Variants in TRIP13 observed in about 807,000 individuals in gnomAD.
The protein encoded by TRIP13 is pachytene checkpoint protein 2 homolog.
TRIP13 carries 25 observed loss-of-function variants against 54.4 expected under a neutral mutation model. The ratio of observed to expected loss-of-function variants is 0.46; its 90% CI spans 0.33 to 0.64. The LOEUF (loss-of-function observed/expected upper bound fraction) is 0.64, where lower values mean the gene tolerates loss of function less well. Among genes scored for constraint, TRIP13 ranks in the 30% least tolerant of loss-of-function variants. The pLI is 0.02. For synonymous variants in TRIP13, 207 were observed against 207.8 expected (o/e 1.00, Z 0.03); for missense variants, 373 against 534.2 (o/e 0.70, Z 2.97).
rs370143173 is a variant in TRIP13, at chr5:900,531, T to C, written c.426T>C (p.Asp142=). 33 of 1,611,688 alleles carry C rather than the reference T, an allele frequency of 2.0e-5. No homozygotes were observed. Among genetic ancestry groups the C allele is most frequent in the South Asian group, 1.3e-4 (12 of 90,442 alleles). Residue 142 remains aspartate (D), a synonymous_variant, in exon 4 of 13, where the codon GAT becomes GAC. Transcript: ENST00000166345. The stretch of plus-strand genomic sequence containing the variant: ...GGCTTTGGGACAGCTTGGTATACGA[T>C]GTGGAAGTCAAATCCCATGTAAGTT... ...FHGLWDSLVY[D]VEVKSHLLDY...
chr5:917,142 C>T lies in TRIP13; in HGVS notation c.*39C>T. 1 of 1,602,580 alleles carries T rather than the reference C, an allele frequency of 6.2e-7. No individual in the cohort carries two copies. Among genetic ancestry groups the T allele is most frequent in the East Asian group, 2.2e-5 (1 of 44,798 alleles). The stretch of plus-strand genomic sequence containing the variant: ...CATCTGGTGCTTTTCCCATGGAGAA[C>T]ACACAACCAGTAAGTGAGGTTGCCC... On this transcript the variant is annotated 3_prime_UTR_variant, in exon 13 of 13. Coordinates refer to ENST00000166345, the MANE Select transcript of TRIP13 (RefSeq NM_004237.4).
rs1267195583 is a variant in TRIP13, at chr5:911,897, G to A, written c.921G>A (p.Val307=). The A allele has an allele frequency of 6.2e-7, 1 of 1,612,640 alleles. No individual in the cohort carries two copies. The change falls in exon 10 of 13, where the codon GTG becomes GTA. Residue 307 remains valine (V), a synonymous_variant. Coordinates refer to ENST00000166345, the MANE Select transcript of TRIP13 (RefSeq NM_004237.4). The surrounding 1 kb of genome is among the most constrained non-coding windows in gnomAD (Gnocchi z 4.7). ...CTAACATCACCGAGAAGATCGACGT[G>A]GCCTTCGTGGACAGGGCTGACATCA... ...TTSNITEKID[V]AFVDRADIKQ... is the part of the protein sequence containing the mutation.
chr5:908,741 A>C lies in TRIP13; in HGVS notation c.866+280A>C. On this transcript the variant is annotated intron_variant, in intron 9 of 12. Transcript: ENST00000166345. The surrounding 1 kb of genome is among the most constrained non-coding windows in gnomAD (Gnocchi z 5.2). ...TGGGAGGCCGAGGCAGGCGGATCAC[A>C]AGGTCAGTAGATTGAGACCATCCTG... 6 of 991,524 alleles carry C rather than the reference A, an allele frequency of 6.1e-6. No homozygotes were observed. Among genetic ancestry groups the C allele is most frequent in the Non-Finnish European group, 7.9e-6 (6 of 762,102 alleles). The allele number at this position is 991,524 out of a possible 1,614,324, so 61.4% of individuals were successfully genotyped here.
rs1412325452 is a variant in TRIP13, at chr5:912,806, C to A, written c.1020+810C>A. ...ATGCTTGTGTTTCTGCTGCTCTAGC[C>A]CCTGTGGGAACAGACCTGTCCCAGA... On this transcript the variant is annotated intron_variant, in intron 10 of 12. Coordinates refer to ENST00000166345, the MANE Select transcript of TRIP13 (RefSeq NM_004237.4). The surrounding 1 kb of genome is among the most constrained non-coding windows in gnomAD (Gnocchi z 7.2). Among the ~76,000 whole-genome samples the A allele has an allele frequency of 1.3e-5, 2 of 152,206 alleles. No homozygotes were observed. The highest frequency in any genetic ancestry group is 1.3e-4 in the Admixed American group (2 of 15,286).
rs1029526323 is a variant in TRIP13, at chr5:911,845, A to C, written c.869A>C (p.His290Pro). The change falls in exon 10 of 13, where the codon CAT becomes CCT. Residue 290 changes from histidine to proline, a missense_variant and splice_region_variant. Coordinates refer to ENST00000166345, the MANE Select transcript of TRIP13 (RefSeq NM_004237.4). The surrounding 1 kb of genome is among the most constrained non-coding windows in gnomAD (Gnocchi z 4.7). ...VLTQIDQIKR[H>P]SNVVILTTSN... ...TGCTTGCTTCTCGGCCACAACAGGC[A>C]TTCCAATGTTGTGATTCTGACCACT... 2.5e-6 allele frequency: 4 copies of C among 1,607,728 alleles called. No individual in the cohort carries two copies. The highest frequency in any genetic ancestry group is 3.4e-6 in the Non-Finnish European group (4 of 1,177,970).
rs960615898 is a variant in TRIP13, at chr5:908,395, G to A, written c.800G>A (p.Gly267Asp). Residue 267 changes from glycine to aspartate, a missense_variant, in exon 9 of 13, where the codon GGC (glycine) becomes GAC (aspartate). Physicochemically the swap from Gly to Asp is moderately conservative, Grantham distance 94 (BLOSUM62 -1). This residue lies in a region of TRIP13 where 119 missense variants were observed against 223.0 expected (regional missense o/e 0.53). Coordinates refer to ENST00000166345, the MANE Select transcript of TRIP13 (RefSeq NM_004237.4). The surrounding 1 kb of genome is among the most constrained non-coding windows in gnomAD (Gnocchi z 5.2). ...GCCGCCCGAAATGCCTGCAGGGCGG[G>A]CACCGAGCCATCAGATGCCATCCGC... ...LTAARNACRA[G>D]TEPSDAIRVV... is the part of the protein sequence containing the mutation. 1 of 1,613,052 alleles carries A rather than the reference G, an allele frequency of 6.2e-7. No individual in the cohort carries two copies. Among genetic ancestry groups the A allele is most frequent in the Non-Finnish European group, 8.5e-7 (1 of 1,180,044 alleles).
intron 9 of TRIP13, among the ~76,000 whole-genome samples, chr5:909,876 C>T (rs868430212): frequency 2.0e-5 from 3 of 152,250 alleles, no homozygotes; most frequent in African/African-American, 4.8e-5. Context: ...CGCCTTTAAG[C>T]GGTTTTCCAC....
At chr5:904,834 G>C (rs1318179072) in intron 6 of TRIP13, among the ~76,000 whole-genome samples, 2 of 152,050 alleles carry the variant, frequency 1.3e-5, no homozygotes, top group Non-Finnish European at 2.9e-5. Context: ...TGTTCTATTT[G>C]ATTCTTTTTA....
intron 4 of TRIP13, 114 bp downstream of exon 4, chr5:900,663 G>C (rs1753965354): frequency 9.3e-7 from 1 of 1,072,214 alleles, no homozygotes; most frequent in African/African-American, 1.6e-5. Flanking sequence ...GGGAGCCCCT[G>C]TCTGCTGGCA....
At chr5:896,454 G>A (rs543275879) in intron 2 of TRIP13, among the ~76,000 whole-genome samples, 3 of 152,208 alleles carry the variant, frequency 2.0e-5, no homozygotes, top group East Asian at 1.9e-4. Flanking sequence ...AGTAAATGTA[G>A]GGCCCAAAGA....
At chr5:905,169 T>C (rs984967293) in intron 6 of TRIP13, among the ~76,000 whole-genome samples, 1 of 151,650 alleles carries the variant, frequency 6.6e-6, no homozygotes, top group African/African-American at 2.4e-5. Flanking sequence ...CTGGGAGGGG[T>C]TTAGGTTTGG....
chr5:897,139 G>A (rs1330699748), intron 3 of TRIP13, among the ~76,000 whole-genome samples: 7 of 151,874 alleles, frequency 4.6e-5, no homozygotes, highest in African/African-American at 1.5e-4. Flanking sequence ...CCAAGCCCAC[G>A]GCTTCATTCA....
intron 5 of TRIP13, among the ~76,000 whole-genome samples, chr5:902,459 C>T (rs1000080687): frequency 6.6e-6 from 1 of 152,202 alleles, no homozygotes; most frequent in Non-Finnish European, 1.5e-5. Flanking sequence ...TGTTTGGAAC[C>T]AGTTACGTAT....
chr5:909,570 C>G (rs1754186622), intron 9 of TRIP13, among the ~76,000 whole-genome samples: 1 of 152,152 alleles, frequency 6.6e-6, no homozygotes, highest in Non-Finnish European at 1.5e-5. Flanking sequence ...GACCCTAACC[C>G]AGCGGCGCTA....
intron 6 of TRIP13, among the ~76,000 whole-genome samples, chr5:905,607 G>A (rs1352721246): frequency 6.6e-6 from 1 of 152,112 alleles, no homozygotes; most frequent in Non-Finnish European, 1.5e-5. Context: ...TTGTAGAGAG[G>A]GTCCCTGGTC....
intron 9 of TRIP13, among the ~76,000 whole-genome samples, chr5:910,636 C>T (rs1754211369): frequency 6.6e-6 from 1 of 152,188 alleles, no homozygotes; most frequent in Admixed American, 6.5e-5. Flanking sequence ...AACAAGGAGA[C>T]ACGCTTGCCT....
At position 914,479 on chromosome 5, in the gene TRIP13, C is replaced by T; in HGVS notation, c.1035C>T (p.Tyr345=). Residue 345 remains tyrosine (Y), a synonymous_variant, in exon 11 of 13, where the codon TAC becomes TAT. Coordinates refer to ENST00000166345, the MANE Select transcript of TRIP13 (RefSeq NM_004237.4). ...LEELMKCQII[Y]PRQQLLTLRE... ...TGTCTCCCCAGTGTCAGATCATATA[C>T]CCTCGCCAGCAGCTGCTGACCCTCC... 1 of 1,613,020 alleles carries T rather than the reference C, an allele frequency of 6.2e-7. No individual in the cohort carries two copies. The highest frequency in any genetic ancestry group is 8.5e-7 in the Non-Finnish European group (1 of 1,179,718).
rs560314709 is a variant in TRIP13 at position 914,758 on chromosome 5, C to T, written c.1133+181C>T. On this transcript the variant is annotated intron_variant, in intron 11 of 12. Coordinates refer to ENST00000166345, the MANE Select transcript of TRIP13 (RefSeq NM_004237.4). The stretch of plus-strand genomic sequence containing the variant: ...GTGTGTGTGCATGTGAGTAGAAACA[C>T]GCAGCACAGCCACCTCCTTCCAAAG... Among the ~76,000 whole-genome samples the T allele has an allele frequency of 3.3e-5, 5 of 152,162 alleles. 1 individual carries two copies. The South Asian group carries it at 6.2e-4, about 19-fold the overall frequency.
rs146108175 is a variant in TRIP13, at chr5:901,604, TTTTG to T, written c.535+189_535+192del. ...TCCAGCTCATGACACTTGGGACATT[TTTTG>T]TTTGTTTGTTTGTTTTTGTTTTTGA... On this transcript the variant is annotated intron_variant, in intron 5 of 12. Transcript: ENST00000166345. Among the ~76,000 whole-genome samples the T allele has an allele frequency of 4.0e-4, 61 of 152,134 alleles. 1 individual carries two copies. Among genetic ancestry groups the T allele is most frequent in the Middle Eastern group, 3.4e-3 (1 of 294 alleles).
Sources: allele counts gnomAD v4.1 joint callset (sites outside exome capture counted in the v4.1 genomes callset), GRCh38; gene constraint gnomAD v4.1.1; regional missense constraint gnomAD v4.1.1; non-coding constraint Gnocchi (gnomAD v3.1); transcripts MANE v1.5; gene names NCBI Gene and HGNC (gene_info 2026-07-23, HGNC 2026-07-21).